Variants in TRIM33 observed in about 807,000 individuals in gnomAD.
The protein encoded by TRIM33 is tripartite motif containing 33.
TRIM33 carries 20 observed loss-of-function variants against 125.4 expected under a neutral mutation model. That is an observed-to-expected ratio of 0.16 (90% confidence interval 0.11 to 0.23). The LOEUF is 0.23. Ranked by LOEUF, TRIM33 falls within the 10% of genes least tolerant of loss-of-function variation. The pLI is 1.00. For synonymous variants in TRIM33, 564 were observed against 513.9 expected (o/e 1.10, Z -1.32); for missense variants, 920 against 1,411.4 (o/e 0.65, Z 5.58).
At chr1:114,416,813 T>A (rs1261215216) in intron 11 of TRIM33, among the ~76,000 whole-genome samples, 1 of 152,176 alleles carries the variant, frequency 6.6e-6, no homozygotes, top group Non-Finnish European at 1.5e-5. Context: ...TTAAAAATAA[T>A]CCATAAATGT....
At position 114,455,920 on chromosome 1, in the gene TRIM33, G is replaced by T. The variant is rs1195938683; in HGVS notation, c.923+7184C>A. ...TGGGGAACTAAGGCAATATACACGT[G>T]TGGGTAAAAATGCCAGGGGTAGATA... On this transcript the variant is annotated intron_variant, in intron 4 of 19. Transcript: ENST00000358465. Among the ~76,000 whole-genome samples the T allele has an allele frequency of 2.6e-5, 4 of 152,204 alleles. No individual in the cohort carries two copies. The East Asian group carries it at 7.7e-4, about 29-fold the overall frequency.
intron 1 of TRIM33, among the ~76,000 whole-genome samples, chr1:114,502,782 T>C (rs1557906304): frequency 2.0e-5 from 3 of 152,156 alleles, no homozygotes; most frequent in Non-Finnish European, 4.4e-5. Flanking sequence ...GCTGGGATTA[T>C]AGGCATGAGC....
intron 4 of TRIM33, among the ~76,000 whole-genome samples, chr1:114,441,589 A>G (rs1648656477): frequency 6.6e-6 from 1 of 152,242 alleles, no homozygotes; most frequent in South Asian, 2.1e-4. Flanking sequence ...GCACAGAGAG[A>G]TAACAGATGA....
At chr1:114,494,965 G>A (rs1167902833) in intron 1 of TRIM33, among the ~76,000 whole-genome samples, 2 of 152,152 alleles carry the variant, frequency 1.3e-5, no homozygotes, top group African/African-American at 2.4e-5. Flanking sequence ...CCAGGCTGGA[G>A]TGCAATGGCA....
At chr1:114,451,711 C>G (rs542923226) in intron 4 of TRIM33, among the ~76,000 whole-genome samples, 1 of 152,244 alleles carries the variant, frequency 6.6e-6, no homozygotes, top group South Asian at 2.1e-4. Flanking sequence ...TTATTGAGTG[C>G]TTACTATGCT....
chr1:114,418,390 G>T (rs563358001), intron 11 of TRIM33, among the ~76,000 whole-genome samples: 110 of 152,288 alleles, frequency 7.2e-4, no homozygotes, highest in African/African-American at 2.6e-3. Flanking sequence ...TGAAAGAGTC[G>T]GGGAGGATCT....
intron 1 of TRIM33, among the ~76,000 whole-genome samples, chr1:114,493,231 C>G (rs1271185583): frequency 3.3e-5 from 5 of 152,112 alleles, no homozygotes; most frequent in African/African-American, 1.2e-4. Flanking sequence ...GATCTTTTGC[C>G]CATTTTTAAT....
In TRIM33 at chr1:114,393,844, C is replaced by A. The variant is rs1651406600; in HGVS notation, c.*3804G>T. ...ATGCCACAATATAGTGTCATTACTT[C>A]CAGCATACATTTAAATTTCTTAATT... is the stretch of plus-strand genomic sequence containing the variant. On this transcript the variant is annotated 3_prime_UTR_variant, in exon 20 of 20. Coordinates refer to ENST00000358465, the MANE Select transcript of TRIM33 (RefSeq NM_015906.4). 1 of 210,690 alleles carries A rather than the reference C, an allele frequency of 4.7e-6. No individual in the cohort carries two copies. Among genetic ancestry groups the A allele is most frequent in the African/African-American group, 2.3e-5 (1 of 44,054 alleles). 13.1% of individuals were successfully genotyped at this position (210,690 alleles called of 1,614,324 possible).
At chr1:114,474,973 A>G (rs1358371778) in intron 1 of TRIM33, among the ~76,000 whole-genome samples, 1 of 152,096 alleles carries the variant, frequency 6.6e-6, no homozygotes, top group East Asian at 1.9e-4. Context: ...CATTAGAGAC[A>G]AGAGCAAAAT....
rs201857525 is a variant in TRIM33 at position 114,450,307 on chromosome 1, CTTTCT to C, written c.923+12792_923+12796del. Among the ~76,000 whole-genome samples the C allele has an allele frequency of 9.5e-3, 1,444 of 152,132 alleles. 20 individuals are homozygous for C. The highest frequency in any genetic ancestry group is 0.033 in the African/African-American group (1,360 of 41,466). ...AAAACCTTTGCCCTTCATCTCCCGA[CTTTCT>C]TTTAACAATCCTGTTGTTTTGTTTT... On this transcript the variant is annotated intron_variant, in intron 4 of 19. Transcript: ENST00000358465.
chr1:114,475,327 C>A (rs1650910925), intron 1 of TRIM33, among the ~76,000 whole-genome samples: 2 of 152,168 alleles, frequency 1.3e-5, no homozygotes, highest in Non-Finnish European at 1.5e-5. Flanking sequence ...CTGAAGATAG[C>A]ACTTCTAAAT....
intron 4 of TRIM33, among the ~76,000 whole-genome samples, chr1:114,443,276 C>T (rs1648770301): frequency 6.6e-6 from 1 of 151,956 alleles, no homozygotes; most frequent in Admixed American, 6.6e-5. Context: ...CCCAGCTACT[C>T]AGGAGGCTGA....
chr1:114,425,387 GA>G, intron 9 of TRIM33, 61 bp downstream of exon 9: 1 of 1,566,814 alleles, frequency 6.4e-7, no homozygotes, highest in Non-Finnish European at 8.7e-7. Context: ...AATTATATAG[GA>G]AAAAGTGTAG....
Position 114,510,921 on chromosome 1 carries a change from C to A in TRIM33, c.156G>T (p.Arg52Ser). 1 of 1,420,430 alleles carries A rather than the reference C, an allele frequency of 7.0e-7. No individual in the cohort carries two copies. Among genetic ancestry groups the A allele is most frequent in the South Asian group, 1.5e-5 (1 of 68,784 alleles). 88.0% of individuals were successfully genotyped at this position (1,420,430 alleles called of 1,614,324 possible). ...CGGCCGCGCCGCCCTCAGCGCCGGCCCTGCCGCCTTCCTCCTCCTCCTCCT... is the reference window on the plus strand; with the variant it reads ...CGGCCGCGCCGCCCTCAGCGCCGGCACTGCCGCCTTCCTCCTCCTCCTCCT... Reference protein sequence around the residue: ...LVEEEEEEGGRAGAEGGAAGP... With the variant: ...LVEEEEEEGGSAGAEGGAAGP... The change falls in exon 1 of 20, where the codon AGG (arginine) becomes AGT (serine). Residue 52 changes from arginine to serine, a missense_variant. By Grantham distance (110) the Arg-to-Ser change is moderately radical. This residue lies in a region of TRIM33 where 233 missense variants were observed against 189.6 expected (regional missense o/e 1.23). Transcript: ENST00000358465.
intron 8 of TRIM33, among the ~76,000 whole-genome samples, chr1:114,426,358 A>T (rs1647580801): frequency 1.3e-5 from 2 of 152,198 alleles, no homozygotes; most frequent in Admixed American, 1.3e-4. Flanking sequence ...TCTGTCTCAC[A>T]GTCCTTGGTT....
chr1:114,509,525 T>A (rs1653211374), intron 1 of TRIM33, among the ~76,000 whole-genome samples: 1 of 151,544 alleles, frequency 6.6e-6, no homozygotes, highest in African/African-American at 2.4e-5. Context: ...ATCCCAAGAG[T>A]TTAAGAGACT....
At chr1:114,425,853 A>G (rs889495347) in intron 8 of TRIM33, 130 bp from the exon 9 acceptor site, 15 of 639,016 alleles carry the variant, frequency 2.3e-5, no homozygotes, top group Non-Finnish European at 3.5e-5. Context: ...ACAGCAGGGA[A>G]TGGAGTCAGT....
intron 10 of TRIM33, 62 bp downstream of exon 10, chr1:114,424,529 A>G: frequency 7.0e-7 from 1 of 1,424,088 alleles, no homozygotes; most frequent in Non-Finnish European, 9.3e-7. Context: ...AAAGTGATTA[A>G]GAAAATGACG....
intron 10 of TRIM33, among the ~76,000 whole-genome samples, chr1:114,422,532 C>T (rs545252019): frequency 1.3e-5 from 2 of 152,176 alleles, no homozygotes; most frequent in South Asian, 4.2e-4. Flanking sequence ...ATGTGCCATG[C>T]TCTGCTGGAT....
Sources: allele counts gnomAD v4.1 joint callset (sites outside exome capture counted in the v4.1 genomes callset), GRCh38; gene constraint gnomAD v4.1.1; regional missense constraint gnomAD v4.1.1; transcripts MANE v1.5; gene names NCBI Gene and HGNC (gene_info 2026-07-23, HGNC 2026-07-21).